WDR93: variants seen among roughly 807,000 people sequenced by gnomAD.
The protein encoded by WDR93 is WD repeat-containing protein 93.
WDR93 carries 73 observed loss-of-function variants against 82.9 expected under a neutral mutation model. The observed-to-expected ratio is 0.88, with a 90% CI of 0.73 to 1.07. The LOEUF (loss-of-function observed/expected upper bound fraction) is 1.07. Ranked by LOEUF, WDR93 falls within the 50% of genes least tolerant of loss-of-function variation. WDR93 has a pLI of 0.00. For synonymous variants in WDR93, 283 were observed against 300.1 expected (o/e 0.94, Z 0.59); for missense variants, 738 against 826.0 (o/e 0.89, Z 1.31).
chr15:89,710,112 A>T lies in WDR93; in HGVS notation c.562-1914A>T, dbSNP rs1596081840. Among the ~76,000 whole-genome samples the T allele has an allele frequency of 2.6e-5, 4 of 152,264 alleles. No individual in the cohort carries two copies. The South Asian group carries it at 8.3e-4, about 31-fold the overall frequency. Reference sequence around the variant, plus strand: ...GAGGCGGAGATTGCAGTGAGCTGAGATCGCACCACTGCACTCCAGCTTGGA... The same window carrying T: ...GAGGCGGAGATTGCAGTGAGCTGAGTTCGCACCACTGCACTCCAGCTTGGA... On this transcript the variant is annotated intron_variant, in intron 4 of 16. Coordinates refer to ENST00000268130, the MANE Select transcript of WDR93 (RefSeq NM_020212.2).
chr15:89,692,152 C>T (rs1440625887), intron 1 of WDR93, among the ~76,000 whole-genome samples: 5 of 152,234 alleles, frequency 3.3e-5, no homozygotes, highest in African/African-American at 9.6e-5. Context: ...TGCAAGCAGC[C>T]ATGCCTTTGC....
In WDR93 at chr15:89,710,259, A is replaced by T. The variant is rs192791261; in HGVS notation, c.562-1767A>T. On this transcript the variant is annotated intron_variant, in intron 4 of 16. Coordinates refer to ENST00000268130, the MANE Select transcript of WDR93 (RefSeq NM_020212.2). ...GGAACACTAATCGGCAATAATAAAT[A>T]ATAAACAACTGATGATTACAACGCA... Among the ~76,000 whole-genome samples the T allele has an allele frequency of 1.5e-3, 224 of 152,354 alleles. 1 individual carries two copies. Among genetic ancestry groups the T allele is most frequent in the African/African-American group, 5.3e-3 (221 of 41,592 alleles).
intron 4 of WDR93, 51 bp from the exon 5 acceptor site, chr15:89,711,975 T>C (rs373840540): frequency 1.0e-5 from 15 of 1,476,772 alleles, no homozygotes; most frequent in East Asian, 2.3e-5. Context: ...CTGAAATACA[T>C]TCTCTGTCAG....
intron 7 of WDR93, 22 bp from the exon 8 acceptor site, chr15:89,722,033 C>T: frequency 6.8e-7 from 1 of 1,479,722 alleles, no homozygotes; most frequent in Non-Finnish European, 9.4e-7. Flanking sequence ...GGCTTATTAA[C>T]TATGCCTTTT....
At chr15:89,691,706 C>T (rs1366269062) in intron 1 of WDR93, among the ~76,000 whole-genome samples, 1 of 149,506 alleles carries the variant, frequency 6.7e-6, no homozygotes, top group African/African-American at 2.5e-5. Flanking sequence ...GGCGACAGAG[C>T]GAGACGCTGT....
At chr15:89,709,155 C>A (rs1043326746) in intron 4 of WDR93, among the ~76,000 whole-genome samples, 3 of 152,168 alleles carry the variant, frequency 2.0e-5, no homozygotes, top group Non-Finnish European at 4.4e-5. Flanking sequence ...GAGAGGTCAG[C>A]AATGAAGAGG....
At chr15:89,731,620 G>A in intron 12 of WDR93, 58 bp downstream of exon 12, 1 of 1,606,870 alleles carries the variant, frequency 6.2e-7, no homozygotes, top group Non-Finnish European at 8.5e-7. Flanking sequence ...CAATGAGTCT[G>A]GGAGCTCTGG....
intron 10 of WDR93, among the ~76,000 whole-genome samples, chr15:89,729,434 C>T (rs1206270975): frequency 6.6e-6 from 1 of 152,062 alleles, no homozygotes; most frequent in Non-Finnish European, 1.5e-5. Context: ...TGAAAGCAGC[C>T]GAGGGGGAGT....
intron 8 of WDR93, among the ~76,000 whole-genome samples, chr15:89,723,825 T>C (rs10152653): frequency 0.68 from 103,428 of 152,094 alleles, 37,343 homozygotes; most frequent in African/African-American, 0.89. Context: ...CTGCCTCATG[T>C]CGTACACAAA....
At position 89,721,903 on chromosome 15, in the gene WDR93, A is replaced by G. The variant is rs79139584; in HGVS notation, c.796-152A>G. On this transcript the variant is annotated intron_variant, in intron 7 of 16. Coordinates refer to ENST00000268130, the MANE Select transcript of WDR93 (RefSeq NM_020212.2). ...TTGGGTTTAAATCTACAGTCTTGCT[A>G]TTTACTTTTACAATCTTGCTATTTA... 1.6e-3 allele frequency: 971 copies of G among 615,878 alleles called. 5 individuals are homozygous for G. The African/African-American group carries it at 0.016, about 10-fold the overall frequency. The allele number at this position is 615,878 out of a possible 1,614,324, so 38.2% of individuals were successfully genotyped here. A position where few individuals can be genotyped will look rare whatever the true frequency, so the allele number is the denominator to read the frequency against.
At chr15:89,731,699 C>A in intron 12 of WDR93, 137 bp downstream of exon 12, 2 of 1,125,332 alleles carry the variant, frequency 1.8e-6, no homozygotes, top group Non-Finnish European at 2.5e-6. Context: ...ACTGGTCCTA[C>A]TCCCCTCTCA....
Position 89,731,543 on chromosome 15 carries a change from G to C in WDR93, c.1311G>C (p.Thr437=), listed in dbSNP as rs35601844. Residue 437 remains threonine (T), a synonymous_variant, in exon 12 of 17, where the codon ACG becomes ACC. Transcript: ENST00000268130. ...TGGCCTGCGAGGATGGTGTGCTCAC[G>C]CTGTGGGACCTGGCCAAAGGTAAGT... ...LVLACEDGVL[T]LWDLAKGFPL... is the part of the protein sequence containing the mutation. 2 of 1,613,988 alleles carry C rather than the reference G, an allele frequency of 1.2e-6. No individual in the cohort carries two copies. The highest frequency in any genetic ancestry group is 2.2e-5 in the East Asian group (1 of 44,894).
intron 13 of WDR93, among the ~76,000 whole-genome samples, chr15:89,734,078 C>T (rs961914442): frequency 2.0e-5 from 3 of 152,058 alleles, no homozygotes; most frequent in African/African-American, 7.2e-5. Context: ...CCCCTGAAAC[C>T]GTTGGAAATC....
intron 11 of WDR93, among the ~76,000 whole-genome samples, chr15:89,730,312 A>AGAGCC: frequency 6.8e-6 from 1 of 147,104 alleles, no homozygotes; most frequent in East Asian, 2.0e-4. Flanking sequence ...GTGACAGAGC[A>AGAGCC]AGACTATCTC....
chr15:89,711,953 C>A, intron 4 of WDR93, 73 bp from the exon 5 acceptor site: 1 of 1,244,752 alleles, frequency 8.0e-7, no homozygotes, highest in Non-Finnish European at 1.2e-6. Context: ...TGGGTGCAGA[C>A]CACAGAAGGT....
chr15:89,696,108 T>C (rs1264989585), intron 1 of WDR93, among the ~76,000 whole-genome samples: 1 of 152,158 alleles, frequency 6.6e-6, no homozygotes, highest in Non-Finnish European at 1.5e-5. Flanking sequence ...TGAGCCACCA[T>C]GCCCAGCCAT....
At chr15:89,709,118 C>A (rs925545047) in intron 4 of WDR93, among the ~76,000 whole-genome samples, 5 of 152,218 alleles carry the variant, frequency 3.3e-5, no homozygotes, top group African/African-American at 4.8e-5. Flanking sequence ...CACCACAATT[C>A]TCCAGGGCCC....
At chr15:89,721,567 C>T (rs1415312707) in intron 7 of WDR93, among the ~76,000 whole-genome samples, 1 of 152,194 alleles carries the variant, frequency 6.6e-6, no homozygotes, top group African/African-American at 2.4e-5. Context: ...CACACACACG[C>T]ACACACAAAG....
chr15:89,741,468 C>T (rs1192867110), intron 16 of WDR93, among the ~76,000 whole-genome samples: 1 of 152,132 alleles, frequency 6.6e-6, no homozygotes, highest in African/African-American at 2.4e-5. Context: ...GCTCAAGTGA[C>T]CCTCCCACCT....
Sources: allele counts gnomAD v4.1 joint callset (sites outside exome capture counted in the v4.1 genomes callset), GRCh38; gene constraint gnomAD v4.1.1; transcripts MANE v1.5; gene names NCBI Gene and HGNC (gene_info 2026-07-23, HGNC 2026-07-21).